The following SLC30A8 variants were observed in gnomAD, a reference collection of about 807,000 sequenced individuals.
SLC30A8 encodes the protein proton-coupled zinc antiporter SLC30A8.
SLC30A8 carries 27 observed loss-of-function variants against 36.9 expected under a neutral mutation model. The observed-to-expected ratio is 0.73, with a 90% CI of 0.54 to 1.01. The LOEUF is 1.01. Among genes scored for constraint, SLC30A8 ranks in the 50% least tolerant of loss-of-function variants. The pLI, the probability that SLC30A8 is intolerant of heterozygous loss-of-function variation, is 0.00. For missense variants in SLC30A8, 439 were observed against 452.0 expected (o/e 0.97, Z 0.26); for synonymous variants, 164 against 172.4 (o/e 0.95, Z 0.38).
At chr8:116,985,099 A>T (rs1205309180) in intron 1 of SLC30A8, among the ~76,000 whole-genome samples, 1 of 152,110 alleles carries the variant, frequency 6.6e-6, no homozygotes, top group Non-Finnish European at 1.5e-5. Flanking sequence ...ATTATTTTAG[A>T]TACAAGACTT....
Position 117,171,082 on chromosome 8 carries a change from C to T in SLC30A8, c.878C>T (p.Ala293Val), listed in dbSNP as rs964330367. The T allele has an allele frequency of 1.9e-6, 3 of 1,611,468 alleles. No homozygotes were observed. Among genetic ancestry groups the T allele is most frequent in the African/African-American group, 2.7e-5 (2 of 74,726 alleles). Residue 293 changes from alanine (A) to valine (V), a missense_variant, in exon 7 of 8, where the codon GCA (alanine) becomes GTA (valine). Coordinates refer to ENST00000456015, the MANE Select transcript of SLC30A8 (RefSeq NM_173851.3). The stretch of plus-strand genomic sequence containing the variant: ...AGTGGTGTGAAAGAGCTTATTTTAG[C>T]AGTCGACGGGGTGCTGTCTGTGCAC... The part of the protein sequence containing the change: ...NYSGVKELIL[A>V]VDGVLSVHSL...
At chr8:117,054,914 T>G (rs1817823648) in intron 2 of SLC30A8, among the ~76,000 whole-genome samples, 1 of 152,028 alleles carries the variant, frequency 6.6e-6, no homozygotes, top group African/African-American at 2.4e-5. Flanking sequence ...TCTCTGAAAA[T>G]ATGTATTTTT....
chr8:117,124,106 C>G (rs1350838768), intron 2 of SLC30A8, among the ~76,000 whole-genome samples: 1 of 151,936 alleles, frequency 6.6e-6, no homozygotes, highest in Non-Finnish European at 1.5e-5. Context: ...CCCAGGAGCA[C>G]ATTTTCCAAA....
In SLC30A8 at chr8:116,953,270, C is replaced by G. The variant is rs1465512383; in HGVS notation, c.-266+2151C>G. Among the ~76,000 whole-genome samples, 4 of 152,150 alleles carry G rather than the reference C, an allele frequency of 2.6e-5. No homozygotes were observed. In the South Asian group the frequency reaches 8.3e-4, roughly 32 times the overall value. On this transcript the variant is annotated intron_variant, in intron 1 of 10. Coordinates refer to the SLC30A8 transcript ENST00000427715. ...TACCACATTTTTTTTCAATCTAATCCATCGTTGATGGGCATCAAGGTTGAT... is the reference window on the plus strand; with the variant it reads ...TACCACATTTTTTTTCAATCTAATCGATCGTTGATGGGCATCAAGGTTGAT...
chr8:117,142,627 C>T (rs1821704988), intron 1 of SLC30A8, among the ~76,000 whole-genome samples: 1 of 152,110 alleles, frequency 6.6e-6, no homozygotes, highest in African/African-American at 2.4e-5. Context: ...TGGGCATTTG[C>T]TCCAGCAATG....
chr8:116,965,619 C>T (rs905746830), intron 1 of SLC30A8, among the ~76,000 whole-genome samples: 3 of 152,166 alleles, frequency 2.0e-5, no homozygotes, highest in Non-Finnish European at 4.4e-5. Flanking sequence ...GGCTTCCCAT[C>T]GCCTATTCAG....
At chr8:116,987,978 C>A (rs567806336) in intron 1 of SLC30A8, among the ~76,000 whole-genome samples, 5 of 152,340 alleles carry the variant, frequency 3.3e-5, no homozygotes, top group South Asian at 2.1e-4. Context: ...GGATTACAGG[C>A]ATGAGCCATT....
At chr8:116,977,826 A>T (rs535261750) in intron 1 of SLC30A8, among the ~76,000 whole-genome samples, 2 of 152,020 alleles carry the variant, frequency 1.3e-5, no homozygotes, top group African/African-American at 2.4e-5. Context: ...ACCACTTTCT[A>T]TTGGATGTGG....
chr8:116,977,762 G>A (rs980490301), intron 1 of SLC30A8, among the ~76,000 whole-genome samples: 4 of 151,730 alleles, frequency 2.6e-5, no homozygotes, highest in East Asian at 1.9e-4. Context: ...CACCTGCCTC[G>A]GCCTCCCAAA....
chr8:117,073,876 ATAAT>A (rs1372728369), intron 2 of SLC30A8, among the ~76,000 whole-genome samples: 1 of 151,992 alleles, frequency 6.6e-6, no homozygotes, highest in African/African-American at 2.4e-5. Context: ...CCCTCCACAA[ATAAT>A]TCATAGGGTT....
At chr8:116,994,250 T>G (rs1028693217) in intron 1 of SLC30A8, among the ~76,000 whole-genome samples, 28 of 152,202 alleles carry the variant, frequency 1.8e-4, no homozygotes, top group Admixed American at 8.5e-4. Flanking sequence ...AGTTTGGCAC[T>G]GCTACTGAAT....
intron 1 of SLC30A8, among the ~76,000 whole-genome samples, chr8:117,022,487 T>C (rs1816732084): frequency 6.6e-6 from 1 of 152,128 alleles, no homozygotes; most frequent in Non-Finnish European, 1.5e-5. Context: ...GATTCAATGA[T>C]AAATTAGAAG....
At chr8:116,987,204 G>A (rs1314225932) in intron 1 of SLC30A8, among the ~76,000 whole-genome samples, 1 of 146,934 alleles carries the variant, frequency 6.8e-6, no homozygotes, top group Non-Finnish European at 1.5e-5. Flanking sequence ...GGAAGGTTCT[G>A]TTAAGGATGG....
intron 1 of SLC30A8, among the ~76,000 whole-genome samples, chr8:117,141,603 A>G (rs771515925): frequency 1.3e-5 from 2 of 152,134 alleles, no homozygotes; most frequent in African/African-American, 2.4e-5. Context: ...TTACATGGAT[A>G]AGCTCTTTAG....
Position 117,101,248 on chromosome 8 carries a change from T to G in SLC30A8, c.-225-34032T>G, listed in dbSNP as rs77093877. Among the ~76,000 whole-genome samples, 59 of 152,292 alleles carry G rather than the reference T, an allele frequency of 3.9e-4. No individual in the cohort carries two copies. The East Asian group carries it at 9.4e-3, about 24-fold the overall frequency. Reference sequence around the variant, plus strand: ...AGACAAGTGCGTCTTTCCAGGGCCTTATATCTGAATTTTTATCTTGCACAC... The same window carrying G: ...AGACAAGTGCGTCTTTCCAGGGCCTGATATCTGAATTTTTATCTTGCACAC... On this transcript the variant is annotated intron_variant, in intron 2 of 10. Coordinates refer to the SLC30A8 transcript ENST00000427715.
At chr8:117,062,947 G>A (rs921297304) in intron 2 of SLC30A8, among the ~76,000 whole-genome samples, 2 of 152,226 alleles carry the variant, frequency 1.3e-5, no homozygotes, top group East Asian at 1.9e-4. Context: ...AAAACAGATC[G>A]CCTCCATTTA....
intron 2 of SLC30A8, among the ~76,000 whole-genome samples, chr8:117,078,655 C>T (rs1449588931): frequency 6.6e-6 from 1 of 152,112 alleles, no homozygotes; most frequent in East Asian, 1.9e-4. Context: ...TCACTTAGCA[C>T]ATCAAAAGGT....
At chr8:117,022,169 C>T (rs770684396) in intron 1 of SLC30A8, among the ~76,000 whole-genome samples, 35 of 149,646 alleles carry the variant, frequency 2.3e-4, no homozygotes, top group Admixed American at 1.2e-3. Context: ...CACTGCTGTC[C>T]GGCCTGGGCA....
At chr8:116,998,306 T>C (rs1039477227) in intron 1 of SLC30A8, among the ~76,000 whole-genome samples, 1 of 152,192 alleles carries the variant, frequency 6.6e-6, no homozygotes, top group Non-Finnish European at 1.5e-5. Flanking sequence ...CAAGTGGCAA[T>C]GATGGCCAGA....
Sources: allele counts gnomAD v4.1 joint callset (sites outside exome capture counted in the v4.1 genomes callset), GRCh38; gene constraint gnomAD v4.1.1; transcripts MANE v1.5; gene names NCBI Gene and HGNC (gene_info 2026-07-23, HGNC 2026-07-21).